METTL9: variants seen among roughly 807,000 people sequenced by gnomAD.
The protein encoded by METTL9 is protein-L-histidine N-pros-methyltransferase.
Under a neutral mutation model 36.0 loss-of-function variants are expected in METTL9, and 10 were observed. The ratio of observed to expected loss-of-function variants is 0.28; its 90% CI spans 0.17 to 0.47. The LOEUF (loss-of-function observed/expected upper bound fraction) is 0.47. Among genes scored for constraint, METTL9 ranks in the 20% least tolerant of loss-of-function variants. The pLI is 0.99. For synonymous variants in METTL9, 175 were observed against 149.7 expected (o/e 1.17, Z -1.23); for missense variants, 246 against 383.5 (o/e 0.64, Z 3.00).
rs1432283353 is a variant in METTL9 at position 21,637,700 on chromosome 16, G to C, written c.751+12585G>C. 2.0e-5 allele frequency among the ~76,000 whole-genome samples: 3 copies of C among 152,352 alleles called. No individual in the cohort carries two copies. In the East Asian group the frequency reaches 5.8e-4, roughly 29 times the overall value. On this transcript the variant is annotated intron_variant, in intron 4 of 4. Transcript: ENST00000358154. ...CCGTACACACCCGGAACCTGTGCTG[G>C]CCCGCGTGCGCTGCGCGCAGCCCGG...
At position 21,655,300 on chromosome 16, in the gene METTL9, T is replaced by C. The variant is rs1966676753; in HGVS notation, c.825T>C (p.Ser275=). 1.9e-6 allele frequency: 3 copies of C among 1,614,276 alleles called. No homozygotes were observed. Among genetic ancestry groups the C allele is most frequent in the South Asian group, 1.1e-5 (1 of 91,088 alleles). The change falls in exon 5 of 5, where the codon AGT becomes AGC. Residue 275 remains serine (S), a synonymous_variant. Coordinates refer to ENST00000358154, the MANE Select transcript of METTL9 (RefSeq NM_016025.5). ...AGAACTGGGAAGAACAAGTGAATAG[T>C]CTGCCTGAAGTTTTCAGAAAAGCTG... The part of the protein sequence containing the change: ...KGQNWEEQVN[S]LPEVFRKAGF...
At position 21,599,902 on chromosome 16, in the gene METTL9, C is replaced by CGGGCTG. The variant is rs1443948622; in HGVS notation, c.165+9_165+14dup. The CGGGCTG allele has an allele frequency of 1.7e-5, 24 of 1,414,168 alleles. 1 individual carries two copies. Among genetic ancestry groups the CGGGCTG allele is most frequent in the African/African-American group, 1.3e-4 (9 of 66,878 alleles). The allele number at this position is 1,414,168 out of a possible 1,614,324, so 87.6% of individuals were successfully genotyped here. A position where few individuals can be genotyped will look rare whatever the true frequency, so the allele number is the denominator to read the frequency against. On this transcript the variant is annotated splice_donor_region_variant and intron_variant, in intron 1 of 4. Coordinates refer to ENST00000358154, the MANE Select transcript of METTL9 (RefSeq NM_016025.5). This position sits in a 1 kb window ranked among gnomAD's most constrained non-coding sequence, Gnocchi z 4.4. Reference sequence around the variant, plus strand: ...CGGCAGGAAGGAGAACCACCAGGTACGGGCTGGGGCCGGGGCCGGGGCGGG... The same window carrying CGGGCTG: ...CGGCAGGAAGGAGAACCACCAGGTACGGGCTGGGGCTGGGGCCGGGGCCGGGGCGGG...
intron 1 of METTL9, among the ~76,000 whole-genome samples, 155 bp downstream of exon 1, chr16:21,600,053 C>A (rs912375525): frequency 5.9e-5 from 9 of 151,994 alleles, no homozygotes; most frequent in African/African-American, 2.2e-4. Context: ...CCTTCCCCGC[C>A]GGGCGTCGAC....
At chr16:21,620,285 C>T (rs921347041) in intron 3 of METTL9, among the ~76,000 whole-genome samples, 2 of 152,172 alleles carry the variant, frequency 1.3e-5, no homozygotes, top group Admixed American at 1.3e-4. Flanking sequence ...AGCAAGCTGT[C>T]TCAGATAAGG....
intron 1 of METTL9, among the ~76,000 whole-genome samples, chr16:21,600,300 A>G (rs568479412): frequency 6.6e-6 from 1 of 152,286 alleles, no homozygotes; most frequent in East Asian, 1.9e-4. Flanking sequence ...GGCCAGATCC[A>G]TTACCCCGAG....
At chr16:21,641,004 G>A (rs1966249668) in intron 4 of METTL9, 1 of 152,206 alleles carries the variant, frequency 6.6e-6, no homozygotes. Flanking sequence ...CTGATAGCAT[G>A]ATGTAAGTTA....
Position 21,657,139 on chromosome 16 carries a change from G to T in METTL9, c.*1707G>T, listed in dbSNP as rs1310027204. 3 of 152,012 alleles carry T rather than the reference G, an allele frequency of 2.0e-5. No homozygotes were observed. In the East Asian group the frequency reaches 5.8e-4, roughly 29 times the overall value. 9.4% of individuals were successfully genotyped at this position (152,012 alleles called of 1,614,324 possible). Reference sequence around the variant, plus strand: ...AAGTGTTTTCTAACTTTCAAGTAGAGAACTTTATGCTCTAATAAGAAAAAT... The same window carrying T: ...AAGTGTTTTCTAACTTTCAAGTAGATAACTTTATGCTCTAATAAGAAAAAT... On this transcript the variant is annotated 3_prime_UTR_variant, in exon 5 of 5. Transcript: ENST00000358154.
chr16:21,637,934 G>A (rs930381550), intron 4 of METTL9, among the ~76,000 whole-genome samples: 6 of 152,244 alleles, frequency 3.9e-5, no homozygotes, highest in Non-Finnish European at 7.3e-5. Flanking sequence ...CTCAGTCTAT[G>A]GTAATTTGTT....
chr16:21,612,196 A>C (rs1965440280), intron 1 of METTL9: 1 of 153,404 alleles, frequency 6.5e-6, no homozygotes. Context: ...GCATTGGATT[A>C]TGTGACTGTT....
chr16:21,621,055 G>A (rs930574663), intron 3 of METTL9, among the ~76,000 whole-genome samples: 7 of 151,948 alleles, frequency 4.6e-5, no homozygotes, highest in Middle Eastern at 3.2e-3. Flanking sequence ...CTGTAGCCTT[G>A]AACTTCCGGG....
rs183002821 is a variant in METTL9, at chr16:21,642,572, A to G, written c.752-12655A>G. 7.9e-5 allele frequency among the ~76,000 whole-genome samples: 12 copies of G among 152,342 alleles called. No homozygotes were observed. The East Asian group carries it at 9.6e-4, about 12-fold the overall frequency. ...TAAAGGAATACTTTCAGGATGTATTATAGATATACATGTATTCTTTTCAGT... is the reference window on the plus strand; with the variant it reads ...TAAAGGAATACTTTCAGGATGTATTGTAGATATACATGTATTCTTTTCAGT... On this transcript the variant is annotated intron_variant, in intron 4 of 4. Coordinates refer to ENST00000358154, the MANE Select transcript of METTL9 (RefSeq NM_016025.5).
Position 21,655,337 on chromosome 16 carries a change from G to A in METTL9, c.862G>A (p.Glu288Lys), listed in dbSNP as rs766437350. Residue 288 changes from glutamate (E) to lysine (K), a missense_variant, in exon 5 of 5, where the codon GAA (glutamate) becomes AAA (lysine). Glu to Lys is a moderately conservative substitution (Grantham distance 56, BLOSUM62 1). Transcript: ENST00000358154. ...TTTCAGAAAAGCTGGTTTTGTTATC[G>A]AAGCTTTCACCAGACTACCATACCT... ...EVFRKAGFVIEAFTRLPYLCE... is the reference protein window; with the variant it reads ...EVFRKAGFVIKAFTRLPYLCE... The A allele has an allele frequency of 1.2e-6, 2 of 1,614,194 alleles. No individual in the cohort carries two copies. The highest frequency in any genetic ancestry group is 8.5e-7 in the Non-Finnish European group (1 of 1,180,036).
chr16:21,651,318 A>C (rs917019963), intron 4 of METTL9, among the ~76,000 whole-genome samples: 4 of 151,914 alleles, frequency 2.6e-5, no homozygotes, highest in Non-Finnish European at 5.9e-5. Context: ...GAAGTAAGTA[A>C]ATGTCTTGCT....
At chr16:21,633,863 T>G (rs561958844) in intron 4 of METTL9, among the ~76,000 whole-genome samples, 29 of 152,298 alleles carry the variant, frequency 1.9e-4, no homozygotes, top group African/African-American at 6.7e-4. Flanking sequence ...GTGGGGTCTT[T>G]TAGCCTGATT....
Position 21,622,141 on chromosome 16 carries a change from CTTTTTTTT to C in METTL9, c.567-2776_567-2769del, listed in dbSNP as rs541282506. Among the ~76,000 whole-genome samples, 25 of 34,926 alleles carry C rather than the reference CTTTTTTTT, an allele frequency of 7.2e-4. 2 individuals carry two copies. The East Asian group carries it at 0.02, about 28-fold the overall frequency. The allele number at this position is 34,926 out of a possible 152,430, so 22.9% of individuals were successfully genotyped here. ...ATAGGTGTGAGCCACCATGCCTGGC[CTTTTTTTT>C]TTTTTTTTTTTTTGAGACAGGATCT... On this transcript the variant is annotated intron_variant, in intron 3 of 4. Transcript: ENST00000358154.
intron 3 of METTL9, among the ~76,000 whole-genome samples, chr16:21,623,246 C>G (rs949431779): frequency 6.6e-6 from 1 of 152,160 alleles, no homozygotes; most frequent in African/African-American, 2.4e-5. Context: ...GTTTGTTAGG[C>G]TGCTATTTGG....
In METTL9 at chr16:21,654,947, A is replaced by G. The variant is rs946575916; in HGVS notation, c.752-280A>G. 8.2e-5 allele frequency: 36 copies of G among 441,192 alleles called. No individual in the cohort carries two copies. In the South Asian group the frequency reaches 8.7e-4, roughly 11 times the overall value. The allele number at this position is 441,192 out of a possible 1,614,324, so 27.3% of individuals were successfully genotyped here. A position where few individuals can be genotyped will look rare whatever the true frequency, so the allele number is the denominator to read the frequency against. On this transcript the variant is annotated intron_variant, in intron 4 of 4. Transcript: ENST00000358154. The stretch of plus-strand genomic sequence containing the variant: ...ATACTACCCAAAACTGTCAGAGAAG[A>G]TAACAGTGTGGGGCCTTGGATCCAG...
At position 21,655,373 on chromosome 16, in the gene METTL9, G is replaced by A; in HGVS notation, c.898G>A (p.Asp300Asn). 6.2e-7 allele frequency: 1 copy of A among 1,614,128 alleles called. No homozygotes were observed. Among genetic ancestry groups the A allele is most frequent in the Non-Finnish European group, 8.5e-7 (1 of 1,180,000 alleles). ...CAGACTACCATACCTGTGTGAAGGC[G>A]ACATGTATAATGACTACTACGTTCT... Reference protein sequence around the residue: ...FTRLPYLCEGDMYNDYYVLDD... With the variant: ...FTRLPYLCEGNMYNDYYVLDD... The change falls in exon 5 of 5, where the codon GAC (aspartate) becomes AAC (asparagine). Residue 300 changes from aspartate to asparagine, a missense_variant. Coordinates refer to ENST00000358154, the MANE Select transcript of METTL9 (RefSeq NM_016025.5).
At chr16:21,600,725 G>T (rs1008105230) in intron 1 of METTL9, among the ~76,000 whole-genome samples, 1 of 152,164 alleles carries the variant, frequency 6.6e-6, no homozygotes, top group African/African-American at 2.4e-5. Flanking sequence ...GTTAACTGTA[G>T]AATTAAGTGA....
Sources: allele counts gnomAD v4.1 joint callset (sites outside exome capture counted in the v4.1 genomes callset), GRCh38; gene constraint gnomAD v4.1.1; non-coding constraint Gnocchi (gnomAD v3.1); transcripts MANE v1.5; gene names NCBI Gene and HGNC (gene_info 2026-07-23, HGNC 2026-07-21).